The following LSM8 variants were observed in gnomAD, a reference collection of about 807,000 sequenced individuals.
LSM8 encodes LSM8 U6 small nuclear RNA associated.
In LSM8, 14 loss-of-function variants were observed where a neutral mutation model predicts 15.0. The ratio of observed to expected loss-of-function variants is 0.93; its 90% CI spans 0.62 to 1.46. The LOEUF is 1.46. Among genes scored for constraint, LSM8 ranks in the 40% most tolerant of loss-of-function variants. The pLI is 0.00. For missense variants in LSM8, 90 were observed against 115.4 expected (o/e 0.78, Z 1.01); for synonymous variants, 50 against 42.1 (o/e 1.19, Z -0.73).
At chr7:118,184,360 C>G in intron 1 of LSM8, 106 bp downstream of exon 1, 1 of 1,306,886 alleles carries the variant, frequency 7.7e-7, no homozygotes, top group Non-Finnish European at 1.0e-6. Context: ...ATCCTGGGGG[C>G]GGGCGAGGAG....
rs1288232501 is a variant in LSM8 at position 118,195,595 on chromosome 7, G to A, written c.*3593G>A. On this transcript the variant is annotated 3_prime_UTR_variant, in exon 4 of 4. Transcript: ENST00000249299. ...AATGTACAATAAAATTTGTTTCTAT[G>A]TCAGCGAATATTCTTGACTCAAGGA... Among the ~76,000 whole-genome samples, 1 of 152,186 alleles carries A rather than the reference G, an allele frequency of 6.6e-6. No individual in the cohort carries two copies. Among genetic ancestry groups the A allele is most frequent in the Non-Finnish European group, 1.5e-5 (1 of 68,032 alleles).
rs1584709090 is a variant in LSM8, at chr7:118,195,486, C to G, written c.*3484C>G. The stretch of plus-strand genomic sequence containing the variant: ...TCTTGTCAGCTTTTTAAGCGTCTGT[C>G]CCACTGACTACCATATCTCTACAAG... On this transcript the variant is annotated 3_prime_UTR_variant, in exon 4 of 4. Coordinates refer to ENST00000249299, the MANE Select transcript of LSM8 (RefSeq NM_016200.5). 6.6e-6 allele frequency among the ~76,000 whole-genome samples: 1 copy of G among 152,132 alleles called. No homozygotes were observed. The highest frequency in any genetic ancestry group is 2.4e-5 in the African/African-American group (1 of 41,424).
chr7:118,187,865 A>G (rs1562861382), intron 2 of LSM8, among the ~76,000 whole-genome samples: 1 of 152,208 alleles, frequency 6.6e-6, no homozygotes, highest in Non-Finnish European at 1.5e-5. Flanking sequence ...ATATAGTGAT[A>G]CTATTACATT....
rs1284151782 is a variant in LSM8, at chr7:118,184,212, G to A, written c.-12G>A. On this transcript the variant is annotated 5_prime_UTR_variant, in exon 1 of 4. Transcript: ENST00000249299. ...CACCGCTGCGTTACCCGGAACCGCCGGGCCGAACAGCATGACGTCCGCTTT... is the reference window on the plus strand; with the variant it reads ...CACCGCTGCGTTACCCGGAACCGCCAGGCCGAACAGCATGACGTCCGCTTT... 2 of 1,542,022 alleles carry A rather than the reference G, an allele frequency of 1.3e-6. No individual in the cohort carries two copies. The highest frequency in any genetic ancestry group is 1.2e-5 in the South Asian group (1 of 83,800).
In LSM8 at chr7:118,194,403, A is replaced by G. The variant is rs904613590; in HGVS notation, c.*2401A>G. On this transcript the variant is annotated 3_prime_UTR_variant, in exon 4 of 4. Coordinates refer to ENST00000249299, the MANE Select transcript of LSM8 (RefSeq NM_016200.5). ...CTGACAAGATACTATCTAAACTAAT[A>G]GTTTAAAATAACATTGCTTTTATGT... Among the ~76,000 whole-genome samples, 23 of 152,116 alleles carry G rather than the reference A, an allele frequency of 1.5e-4. No homozygotes were observed. The highest frequency in any genetic ancestry group is 5.5e-4 in the African/African-American group (23 of 41,524).
chr7:118,185,649 AT>A lies in LSM8; in HGVS notation c.32-4del. ...AAGAAACACTTTCTTTGATTCAGTT[AT>A]CAGGAACTGTTGCCGTTATTACATC... On this transcript the variant is annotated splice_region_variant and splice_polypyrimidine_tract_variant and intron_variant, in intron 1 of 3. Coordinates refer to ENST00000249299, the MANE Select transcript of LSM8 (RefSeq NM_016200.5). 1 of 1,607,998 alleles carries A rather than the reference AT, an allele frequency of 6.2e-7. No individual in the cohort carries two copies. The highest frequency in any genetic ancestry group is 8.5e-7 in the Non-Finnish European group (1 of 1,174,712).
chr7:118,185,437 G>T, intron 1 of LSM8: 3 of 513,466 alleles, frequency 5.8e-6, no homozygotes, highest in Non-Finnish European at 1.0e-5. Flanking sequence ...TAGAGATGGG[G>T]GTATCGCTGT....
Position 118,202,263 on chromosome 7 carries a change from G to A in LSM8, c.*10261G>A, listed in dbSNP as rs2115947160. Among the ~76,000 whole-genome samples the A allele has an allele frequency of 6.6e-6, 1 of 152,168 alleles. No homozygotes were observed. The highest frequency in any genetic ancestry group is 6.6e-5 in the Admixed American group (1 of 15,256). ...TTATTATTGGTGAGTACATCAGTTA[G>A]AATGGTATTTGGCTATAAGCACTGG... On this transcript the variant is annotated 3_prime_UTR_variant, in exon 4 of 4. Transcript: ENST00000249299.
rs1309568229 is a variant in LSM8 at position 118,201,599 on chromosome 7, A to G, written c.*9597A>G. On this transcript the variant is annotated 3_prime_UTR_variant, in exon 4 of 4. Transcript: ENST00000249299. ...GCTCAGTAAAATTCATTAATTTGAG[A>G]ATGTGTCTATATCATAGTAAAGTTT... Among the ~76,000 whole-genome samples, 1 of 152,108 alleles carries G rather than the reference A, an allele frequency of 6.6e-6. No homozygotes were observed. The highest frequency in any genetic ancestry group is 1.9e-4 in the East Asian group (1 of 5,200).
rs999127797 is a variant in LSM8 at position 118,194,405 on chromosome 7, T to C, written c.*2403T>C. Among the ~76,000 whole-genome samples, 4 of 151,960 alleles carry C rather than the reference T, an allele frequency of 2.6e-5. No individual in the cohort carries two copies. Among genetic ancestry groups the C allele is most frequent in the Admixed American group, 2.6e-4 (4 of 15,252 alleles). Reference sequence around the variant, plus strand: ...GACAAGATACTATCTAAACTAATAGTTTAAAATAACATTGCTTTTATGTCA... The same window carrying C: ...GACAAGATACTATCTAAACTAATAGCTTAAAATAACATTGCTTTTATGTCA... On this transcript the variant is annotated 3_prime_UTR_variant, in exon 4 of 4. Transcript: ENST00000249299.
rs1584708233 is a variant in LSM8, at chr7:118,193,589, T to C, written c.*1587T>C. 6.6e-6 allele frequency among the ~76,000 whole-genome samples: 1 copy of C among 150,838 alleles called. No individual in the cohort carries two copies. The highest frequency in any genetic ancestry group is 2.5e-5 in the African/African-American group (1 of 40,424). ...GCTAGTATTGGCTATTCATAAGTACTTGACTTGTAGTATAATGTTTTATAA... is the reference window on the plus strand; with the variant it reads ...GCTAGTATTGGCTATTCATAAGTACCTGACTTGTAGTATAATGTTTTATAA... On this transcript the variant is annotated 3_prime_UTR_variant, in exon 4 of 4. Transcript: ENST00000249299.
chr7:118,187,870 T>C (rs992608990), intron 2 of LSM8, among the ~76,000 whole-genome samples: 1 of 152,264 alleles, frequency 6.6e-6, no homozygotes. Flanking sequence ...GTGATACTAT[T>C]ACATTGCTGT....
At chr7:118,187,964 T>C (rs1240325075) in intron 2 of LSM8, among the ~76,000 whole-genome samples, 2 of 152,238 alleles carry the variant, frequency 1.3e-5, no homozygotes, top group Non-Finnish European at 2.9e-5. Context: ...TTTATACCTT[T>C]AGCTGCTGGT....
chr7:118,185,693 T>C lies in LSM8; in HGVS notation c.71T>C (p.Val24Ala), dbSNP rs762037211. The C allele has an allele frequency of 1.2e-6, 2 of 1,609,730 alleles. No homozygotes were observed. The highest frequency in any genetic ancestry group is 2.2e-5 in the East Asian group (1 of 44,826). The change falls in exon 2 of 4, where the codon GTG becomes GCG. Residue 24 changes from valine to alanine, a missense_variant and splice_region_variant. Physicochemically the swap from Val to Ala is moderately conservative, Grantham distance 64 (BLOSUM62 0). Transcript: ENST00000249299. ...AVITSDGRMI[V>A]GTLKGFDQTI... ...ATTACATCAGATGGGAGAATGATTGTGGTAAGTCTTTGGAATTTTCATTCT... is the reference window on the plus strand; with the variant it reads ...ATTACATCAGATGGGAGAATGATTGCGGTAAGTCTTTGGAATTTTCATTCT...
At position 118,185,536 on chromosome 7, in the gene LSM8, G is replaced by C. The variant is rs945957148; in HGVS notation, c.32-118G>C. The C allele has an allele frequency of 3.5e-6, 3 of 856,726 alleles. No individual in the cohort carries two copies. The African/African-American group carries it at 5.0e-5, about 14-fold the overall frequency. 53.1% of individuals were successfully genotyped at this position (856,726 alleles called of 1,614,324 possible). ...TTTTTATGTAGTGAACTTAGTGGCTGTGTTGAATACTTATACCTAGTTGTC... is the reference window on the plus strand; with the variant it reads ...TTTTTATGTAGTGAACTTAGTGGCTCTGTTGAATACTTATACCTAGTTGTC... On this transcript the variant is annotated intron_variant, in intron 1 of 3. Coordinates refer to ENST00000249299, the MANE Select transcript of LSM8 (RefSeq NM_016200.5).
At position 118,193,488 on chromosome 7, in the gene LSM8, A is replaced by T. The variant is rs1432114077; in HGVS notation, c.*1486A>T. Among the ~76,000 whole-genome samples, 1 of 152,110 alleles carries T rather than the reference A, an allele frequency of 6.6e-6. No homozygotes were observed. Among genetic ancestry groups the T allele is most frequent in the Non-Finnish European group, 1.5e-5 (1 of 67,976 alleles). On this transcript the variant is annotated 3_prime_UTR_variant, in exon 4 of 4. Transcript: ENST00000249299. ...AAATATCTTCACTCAAATCAGCCTTATAAGGGGAGAAGCACTATTCTCTAG... is the reference window on the plus strand; with the variant it reads ...AAATATCTTCACTCAAATCAGCCTTTTAAGGGGAGAAGCACTATTCTCTAG...
In LSM8 at chr7:118,201,543, G is replaced by A. The variant is rs780301257; in HGVS notation, c.*9541G>A. On this transcript the variant is annotated 3_prime_UTR_variant, in exon 4 of 4. Transcript: ENST00000249299. ...CAAGAATCTCAATATTTATTATTTTGCATTAAATATCAGTAAGTTTGATAT... is the reference window on the plus strand; with the variant it reads ...CAAGAATCTCAATATTTATTATTTTACATTAAATATCAGTAAGTTTGATAT... 2.5e-4 allele frequency among the ~76,000 whole-genome samples: 38 copies of A among 151,880 alleles called. No individual in the cohort carries two copies. The highest frequency in any genetic ancestry group is 4.0e-4 in the Non-Finnish European group (27 of 67,942).
rs774134444 is a variant in LSM8 at position 118,195,937 on chromosome 7, C to T, written c.*3935C>T. Among the ~76,000 whole-genome samples, 2 of 152,166 alleles carry T rather than the reference C, an allele frequency of 1.3e-5. No individual in the cohort carries two copies. Among genetic ancestry groups the T allele is most frequent in the Non-Finnish European group, 2.9e-5 (2 of 68,024 alleles). On this transcript the variant is annotated 3_prime_UTR_variant, in exon 4 of 4. Transcript: ENST00000249299. The stretch of plus-strand genomic sequence containing the variant: ...TCATTTAATTGTGAGATATCTAGTA[C>T]TTATGCTCCATCCTGTTTATAGGGA...
intron 1 of LSM8, chr7:118,184,856 G>T (rs1188394438): frequency 2.0e-5 from 3 of 152,212 alleles, no homozygotes; most frequent in Admixed American, 2.0e-4. Flanking sequence ...AAAACACTAC[G>T]TTAAGCTCAG....
Sources: gnomAD v4.1 joint callset for allele counts (sites outside exome capture counted in the v4.1 genomes callset) on GRCh38, gnomAD v4.1.1 for gene constraint, MANE v1.5 for transcripts, NCBI Gene and HGNC (gene_info 2026-07-23, HGNC 2026-07-21) for gene names.